SORCS1: variants seen among roughly 807,000 people sequenced by gnomAD.
The protein encoded by SORCS1 is VPS10 domain-containing receptor SorCS1.
In SORCS1, 60 loss-of-function variants were observed where a neutral mutation model predicts 146.1. The ratio of observed to expected loss-of-function variants is 0.41; its 90% CI spans 0.33 to 0.51. SORCS1 has a LOEUF of 0.51. SORCS1 is among the 20% of genes least tolerant of loss of function. SORCS1 has a pLI of 0.21. For synonymous variants in SORCS1, 637 were observed against 584.0 expected, an observed-to-expected ratio of 1.09 and a Z score of -1.31; for missense variants, 1,352 against 1,487.6, an observed-to-expected ratio of 0.91 and a Z score of 1.50.
At chr10:106,721,247 G>A (rs1033181713) in intron 6 of SORCS1, among the ~76,000 whole-genome samples, 5 of 151,960 alleles carry the variant, frequency 3.3e-5, no homozygotes, top group African/African-American at 1.2e-4. Flanking sequence ...CTCTTCCAAG[G>A]TCTACCTTGG....
intron 1 of SORCS1, among the ~76,000 whole-genome samples, chr10:107,080,930 T>C (rs907176293): frequency 2.0e-5 from 3 of 152,310 alleles, no homozygotes; most frequent in African/African-American, 4.8e-5. Flanking sequence ...TTATAGCTAA[T>C]ATATTTCTTA....
At chr10:106,878,646 A>ATATATATATATATATATAT (rs1200849744) in intron 2 of SORCS1, among the ~76,000 whole-genome samples, 3 of 117,890 alleles carry the variant, frequency 2.5e-5, no homozygotes, top group African/African-American at 8.5e-5. Context: ...ATATATATAT[A>ATATATATATATATATATAT]TATTTTATAG....
At chr10:107,045,472 T>C (rs1959288290) in intron 1 of SORCS1, among the ~76,000 whole-genome samples, 1 of 152,168 alleles carries the variant, frequency 6.6e-6, no homozygotes, top group Non-Finnish European at 1.5e-5. Flanking sequence ...GTATGCAATA[T>C]CTGACTTGAA....
intron 1 of SORCS1, among the ~76,000 whole-genome samples, chr10:106,996,959 T>C (rs1027942772): frequency 2.0e-5 from 3 of 152,120 alleles, no homozygotes; most frequent in Non-Finnish European, 4.4e-5. Context: ...TCCATTGCTA[T>C]TTTTTTCTTG....
At chr10:107,073,793 C>T (rs2134195909) in intron 1 of SORCS1, among the ~76,000 whole-genome samples, 1 of 152,144 alleles carries the variant, frequency 6.6e-6, no homozygotes, top group African/African-American at 2.4e-5. Context: ...TGTCATGTGG[C>T]ACTATGGACA....
rs537603018 is a variant in SORCS1 at position 106,918,561 on chromosome 10, G to A, written c.626+37952C>T. Among the ~76,000 whole-genome samples the A allele has an allele frequency of 5.9e-5, 9 of 152,186 alleles. No homozygotes were observed. The South Asian group carries it at 1.9e-3, about 32-fold the overall frequency. ...CACCAAACAGTATGCATACTGAAGA[G>A]AGGGGAGACAGGGAGACAGGGAAGA... is the stretch of plus-strand genomic sequence containing the variant. On this transcript the variant is annotated intron_variant, in intron 2 of 25. Coordinates refer to ENST00000263054, the MANE Select transcript of SORCS1 (RefSeq NM_052918.5).
At chr10:106,965,257 G>T (rs1289990742) in intron 1 of SORCS1, among the ~76,000 whole-genome samples, 7 of 151,954 alleles carry the variant, frequency 4.6e-5, no homozygotes, top group Non-Finnish European at 1.0e-4. Context: ...GGTTTTTGTT[G>T]TATTTTTTTC....
chr10:106,612,327 C>A (rs1385537130), intron 21 of SORCS1, among the ~76,000 whole-genome samples: 2 of 124,836 alleles, frequency 1.6e-5, no homozygotes, highest in Admixed American at 1.8e-4. Context: ...CCCCCCCAGA[C>A]TACCCCTGGC....
chr10:106,968,444 T>C (rs560630005), intron 1 of SORCS1, among the ~76,000 whole-genome samples: 4 of 152,356 alleles, frequency 2.6e-5, no homozygotes, highest in Admixed American at 2.6e-4. Context: ...GAACACACTA[T>C]TAAGCAGCAA....
intron 23 of SORCS1, among the ~76,000 whole-genome samples, chr10:106,603,677 C>A (rs910543945): frequency 1.3e-5 from 2 of 152,128 alleles, no homozygotes; most frequent in East Asian, 1.9e-4. Context: ...ATAAGGACAG[C>A]CCTTCTCAAG....
At chr10:107,095,527 T>A (rs984034439) in intron 1 of SORCS1, among the ~76,000 whole-genome samples, 9 of 152,176 alleles carry the variant, frequency 5.9e-5, no homozygotes, top group Non-Finnish European at 1.3e-4. Flanking sequence ...CAGAAAGCAA[T>A]GAATTTTAAC....
chr10:106,710,304 G>A (rs1287634344), intron 6 of SORCS1, among the ~76,000 whole-genome samples: 1 of 151,926 alleles, frequency 6.6e-6, no homozygotes, highest in Non-Finnish European at 1.5e-5. Flanking sequence ...AAAATGAGCT[G>A]GGCGCAGTGG....
intron 3 of SORCS1, among the ~76,000 whole-genome samples, chr10:106,821,630 C>G (rs1948028568): frequency 1.3e-5 from 2 of 152,132 alleles, no homozygotes; most frequent in Non-Finnish European, 2.9e-5. Context: ...CAAAAAAATA[C>G]TTTGTACTAG....
intron 2 of SORCS1, among the ~76,000 whole-genome samples, chr10:106,838,844 A>G (rs1445353106): frequency 2.0e-5 from 3 of 152,284 alleles, no homozygotes; most frequent in African/African-American, 7.2e-5. Flanking sequence ...CAATATTTCA[A>G]ACTTTTCCAT....
intron 17 of SORCS1, among the ~76,000 whole-genome samples, chr10:106,653,124 C>T (rs987356873): frequency 2.6e-5 from 4 of 152,186 alleles, no homozygotes; most frequent in African/African-American, 9.6e-5. Flanking sequence ...GATCAAACCT[C>T]ACATTAAAGA....
Position 107,136,578 on chromosome 10 carries a change from G to A in SORCS1, c.558+27391C>T, listed in dbSNP as rs143613044. 3.5e-3 allele frequency among the ~76,000 whole-genome samples: 538 copies of A among 152,242 alleles called. 2 individuals are homozygous for A. The highest frequency in any genetic ancestry group is 0.012 in the African/African-American group (512 of 41,544). On this transcript the variant is annotated intron_variant, in intron 1 of 25. Coordinates refer to ENST00000263054, the MANE Select transcript of SORCS1 (RefSeq NM_052918.5). Reference sequence around the variant, plus strand: ...AGTCACAACTGGTAAGTGAGAGGCCGAATTAACAATAATATCCAACACTTG... The same window carrying A: ...AGTCACAACTGGTAAGTGAGAGGCCAAATTAACAATAATATCCAACACTTG...
chr10:106,709,252 T>C lies in SORCS1; in HGVS notation c.1114A>G (p.Ile372Val), dbSNP rs775530768. The stretch of plus-strand genomic sequence containing the variant: ...ACAAACACATAATGATCCTGAACAA[T>C]CAAAGAGTCTGGGTCAATGTAGCCT... ...FPGYIDPDSLIVQDHYVFVQL... is the reference protein window; with the variant it reads ...FPGYIDPDSLVVQDHYVFVQL... Residue 372 changes from isoleucine to valine, a missense_variant, in exon 7 of 26, where the codon ATT becomes GTT. Ile to Val is a conservative substitution (Grantham distance 29, BLOSUM62 3). Coordinates refer to ENST00000263054, the MANE Select transcript of SORCS1 (RefSeq NM_052918.5). 1 of 1,613,490 alleles carries C rather than the reference T, an allele frequency of 6.2e-7. No homozygotes were observed. Among genetic ancestry groups the C allele is most frequent in the Non-Finnish European group, 8.5e-7 (1 of 1,179,694 alleles).
chr10:106,972,694 C>T (rs1564873545), intron 1 of SORCS1, among the ~76,000 whole-genome samples: 1 of 151,982 alleles, frequency 6.6e-6, no homozygotes, highest in Non-Finnish European at 1.5e-5. Flanking sequence ...TAGAGACTCA[C>T]CAAGCTGAAA....
chr10:106,896,784 C>T (rs1040334242), intron 2 of SORCS1, among the ~76,000 whole-genome samples: 1 of 151,762 alleles, frequency 6.6e-6, no homozygotes, highest in Non-Finnish European at 1.5e-5. Flanking sequence ...ATAACTGAAG[C>T]TCAGTGTTAG....
Sources: gnomAD v4.1 joint callset for allele counts (sites outside exome capture counted in the v4.1 genomes callset) on GRCh38, gnomAD v4.1.1 for gene constraint, MANE v1.5 for transcripts, NCBI Gene and HGNC (gene_info 2026-07-23, HGNC 2026-07-21) for gene names.